Variants in RGL1 observed in about 807,000 individuals in gnomAD.
The protein encoded by RGL1 is ral guanine nucleotide dissociation stimulator like 1.
A neutral mutation model predicts 95.2 loss-of-function variants in RGL1; 24 were observed. The observed-to-expected ratio is 0.25, with a 90% CI of 0.18 to 0.35. The LOEUF (loss-of-function observed/expected upper bound fraction) is 0.35, where lower values mean the gene tolerates loss of function less well. Ranked by LOEUF, RGL1 falls within the 10% of genes least tolerant of loss-of-function variation. The pLI, the probability that RGL1 is intolerant of heterozygous loss-of-function variation, is 1.00. For missense variants in RGL1, 715 were observed against 936.3 expected (o/e 0.76, Z 3.08); for synonymous variants, 329 against 344.9 (o/e 0.95, Z 0.51).
chr1:183,778,276 C>T (rs966490848), intron 2 of RGL1, among the ~76,000 whole-genome samples: 18 of 151,992 alleles, frequency 1.2e-4, no homozygotes, highest in Non-Finnish European at 1.6e-4. Flanking sequence ...TTATTGGCAG[C>T]GCTTGTGTTT....
intron 3 of RGL1, among the ~76,000 whole-genome samples, chr1:183,864,041 G>A (rs1041393704): frequency 6.6e-6 from 1 of 152,162 alleles, no homozygotes; most frequent in Admixed American, 6.5e-5. Context: ...AGATGTTGGT[G>A]CCATCCAAAC....
chr1:183,901,104 C>T (rs1392754951), intron 11 of RGL1, among the ~76,000 whole-genome samples: 1 of 150,964 alleles, frequency 6.6e-6, no homozygotes, highest in East Asian at 2.0e-4. Flanking sequence ...TTCGAGACCA[C>T]CCTGGCCAAC....
intron 5 of RGL1, 31 bp downstream of exon 5, chr1:183,880,831 C>G (rs774541634): frequency 4.4e-6 from 7 of 1,600,552 alleles, no homozygotes; most frequent in Non-Finnish European, 6.0e-6. Flanking sequence ...AGGGAAAAGG[C>G]TAGATTCTGA....
At chr1:183,648,741 G>A in intron 1 of RGL1, 4 of 1,613,022 alleles carry the variant, frequency 2.5e-6, no homozygotes, top group Non-Finnish European at 3.4e-6. Flanking sequence ...TTTTACTATT[G>A]TTCCATGATT....
intron 2 of RGL1, among the ~76,000 whole-genome samples, chr1:183,827,078 A>G (rs1390407832): frequency 6.6e-6 from 1 of 152,148 alleles, no homozygotes; most frequent in Non-Finnish European, 1.5e-5. Context: ...ATACGCCACC[A>G]TGCCCAGCTA....
intron 1 of RGL1, among the ~76,000 whole-genome samples, chr1:183,673,088 C>T (rs754564937): frequency 3.9e-5 from 6 of 152,120 alleles, no homozygotes; most frequent in Non-Finnish European, 7.4e-5. Flanking sequence ...ATCTACTGAG[C>T]CTTTAAATAT....
intron 1 of RGL1, among the ~76,000 whole-genome samples, chr1:183,668,493 G>A (rs1216770186): frequency 6.6e-6 from 1 of 151,792 alleles, no homozygotes; most frequent in Admixed American, 6.6e-5. Context: ...TTAAGAGATA[G>A]TGTCTCCCTA....
At chr1:183,671,994 G>A (rs191754650) in intron 1 of RGL1, among the ~76,000 whole-genome samples, 109 of 149,740 alleles carry the variant, frequency 7.3e-4, no homozygotes, top group African/African-American at 1.9e-3. Context: ...GTGCAGTGGC[G>A]CGATCTTGGC....
intron 16 of RGL1, among the ~76,000 whole-genome samples, chr1:183,920,669 A>C (rs962702729): frequency 6.6e-6 from 1 of 152,198 alleles, no homozygotes; most frequent in African/African-American, 2.4e-5. Flanking sequence ...GCTTTCTGCT[A>C]CTAGTCCAGT....
At chr1:183,767,023 C>T (rs1408328990) in intron 2 of RGL1, among the ~76,000 whole-genome samples, 1 of 151,612 alleles carries the variant, frequency 6.6e-6, no homozygotes, top group Non-Finnish European at 1.5e-5. Context: ...TGAGACCAGC[C>T]TGGGCAATAT....
At chr1:183,685,316 T>A (rs1386186127) in intron 1 of RGL1, among the ~76,000 whole-genome samples, 2 of 152,196 alleles carry the variant, frequency 1.3e-5, no homozygotes, top group African/African-American at 4.8e-5. Context: ...GTAAATACCT[T>A]GAATTACAAT....
intron 8 of RGL1, among the ~76,000 whole-genome samples, chr1:183,889,375 A>G (rs1453535878): frequency 6.6e-6 from 1 of 152,192 alleles, no homozygotes; most frequent in Non-Finnish European, 1.5e-5. Flanking sequence ...AGGCTATATC[A>G]GGGAAGAATC....
chr1:183,760,209 T>G (rs1572379610), intron 2 of RGL1, among the ~76,000 whole-genome samples: 1 of 152,312 alleles, frequency 6.6e-6, no homozygotes, highest in South Asian at 2.1e-4. Context: ...AATGATCATT[T>G]GAGCCTTCAG....
intron 2 of RGL1, among the ~76,000 whole-genome samples, chr1:183,773,782 G>T (rs1440531066): frequency 1.3e-5 from 2 of 152,068 alleles, no homozygotes; most frequent in East Asian, 3.9e-4. Flanking sequence ...TAAGTAGTAT[G>T]GATACAATGC....
intron 1 of RGL1, among the ~76,000 whole-genome samples, chr1:183,682,298 G>C (rs939180994): frequency 6.6e-6 from 1 of 152,060 alleles, no homozygotes; most frequent in Non-Finnish European, 1.5e-5. Flanking sequence ...TTTCTCCTGT[G>C]GGCATTTAGT....
chr1:183,712,731 A>G lies in RGL1; in HGVS notation c.-32-29395A>G, dbSNP rs917104401. 5.3e-5 allele frequency among the ~76,000 whole-genome samples: 8 copies of G among 152,344 alleles called. No homozygotes were observed. In the East Asian group the frequency reaches 1.5e-3, roughly 29 times the overall value. On this transcript the variant is annotated intron_variant, in intron 1 of 18. Transcript: ENST00000304685. ...GTTTGGCTGATAGCAAGGGCAGTCG[A>G]GAATGATAGTCTCATATAGACCTTA...
At chr1:183,730,127 G>A (rs964288424) in intron 1 of RGL1, among the ~76,000 whole-genome samples, 5 of 152,110 alleles carry the variant, frequency 3.3e-5, no homozygotes, top group African/African-American at 1.2e-4. Context: ...CATTAAAATT[G>A]TGCTTGTATG....
chr1:183,773,531 C>A (rs1659416997), intron 2 of RGL1, among the ~76,000 whole-genome samples: 1 of 152,204 alleles, frequency 6.6e-6, no homozygotes, highest in Non-Finnish European at 1.5e-5. Flanking sequence ...GAAGAGCAGA[C>A]CCAAGGCTCA....
upstream of RGL1, among the ~76,000 whole-genome samples, chr1:183,802,442 A>G (rs1245026932): frequency 1.3e-5 from 2 of 152,160 alleles, no homozygotes; most frequent in East Asian, 3.8e-4. Flanking sequence ...TTCCATTTGA[A>G]TTTTAAGGTT....
Sources: gnomAD v4.1 joint callset for allele counts (sites outside exome capture counted in the v4.1 genomes callset) on GRCh38, gnomAD v4.1.1 for gene constraint, MANE v1.5 for transcripts, NCBI Gene and HGNC (gene_info 2026-07-23, HGNC 2026-07-21) for gene names.